Variants in PDE4D observed in about 807,000 individuals in gnomAD.
The protein encoded by PDE4D is phosphodiesterase 4D.
Under a neutral mutation model 87.4 loss-of-function variants are expected in PDE4D, and 24 were observed. That is an observed-to-expected ratio of 0.27 (90% CI 0.20 to 0.39). The LOEUF (loss-of-function observed/expected upper bound fraction) is 0.39, where lower values mean the gene tolerates loss of function less well. Among genes scored for constraint, PDE4D ranks in the 10% least tolerant of loss-of-function variants. PDE4D has a pLI of 1.00. For synonymous variants in PDE4D, 384 were observed against 383.2 expected, an observed-to-expected ratio of 1.00 and a Z score of -0.02; for missense variants, 714 against 1,041.0, an observed-to-expected ratio of 0.69 and a Z score of 4.32.
At chr5:59,273,304 G>GT (rs1221201452) in intron 1 of PDE4D, among the ~76,000 whole-genome samples, 5 of 152,048 alleles carry the variant, frequency 3.3e-5, no homozygotes, top group African/African-American at 1.2e-4. Context: ...GGCCGTTTGG[G>GT]TTTTTTTAAT....
intron 1 of PDE4D, among the ~76,000 whole-genome samples, chr5:59,616,945 A>ATATATATATATATATATATG (rs936160133): frequency 7.3e-6 from 1 of 137,262 alleles, no homozygotes; most frequent in Non-Finnish European, 1.6e-5. Context: ...ATATATATAT[A>ATATATATATATATATATATG]TCTCCAAGAT....
At chr5:60,099,290 C>T (rs1333500360) in intron 2 of PDE4D, among the ~76,000 whole-genome samples, 6 of 151,606 alleles carry the variant, frequency 4.0e-5, no homozygotes, top group Admixed American at 6.6e-5. Context: ...GTATTTTTTG[C>T]GTTGATCTTG....
At chr5:59,676,979 A>G (rs1748194245) in intron 1 of PDE4D, among the ~76,000 whole-genome samples, 1 of 151,892 alleles carries the variant, frequency 6.6e-6, no homozygotes, top group African/African-American at 2.4e-5. Context: ...TTTTACTTCC[A>G]TGAGATCAAC....
In PDE4D at chr5:60,304,438, G is replaced by A. The variant is rs1383654148; in HGVS notation, c.-89-118751C>T. Among the ~76,000 whole-genome samples the A allele has an allele frequency of 2.0e-5, 3 of 151,620 alleles. No homozygotes were observed. In the East Asian group the frequency reaches 5.8e-4, roughly 29 times the overall value. ...AGGCGGGTGGATCATGAGGTCAGGA[G>A]ATCGAGACCATCCTGGTTAACAAGG... On this transcript the variant is annotated intron_variant, in intron 1 of 16. Coordinates refer to the PDE4D transcript ENST00000502484.
chr5:60,302,279 C>T (rs559885085), intron 1 of PDE4D, among the ~76,000 whole-genome samples: 1 of 152,238 alleles, frequency 6.6e-6, no homozygotes, highest in Non-Finnish European at 1.5e-5. Flanking sequence ...TAGAATTCAG[C>T]TGTTAATCCA....
chr5:59,273,068 A>T (rs184232932), intron 1 of PDE4D, among the ~76,000 whole-genome samples: 13 of 152,318 alleles, frequency 8.5e-5, no homozygotes, highest in Admixed American at 7.2e-4. Context: ...AGCCAGAAAG[A>T]TGTGTCCCAA....
At chr5:59,067,373 T>C (rs2153415464) in intron 5 of PDE4D, among the ~76,000 whole-genome samples, 1 of 152,276 alleles carries the variant, frequency 6.6e-6, no homozygotes, top group Non-Finnish European at 1.5e-5. Context: ...AATAGGCCTT[T>C]CTGTAGCGTG....
intron 1 of PDE4D, among the ~76,000 whole-genome samples, chr5:59,557,272 A>G (rs1009997632): frequency 6.6e-6 from 1 of 152,206 alleles, no homozygotes; most frequent in Admixed American, 6.5e-5. Context: ...TGTTGTAACA[A>G]CTATTGGAAA....
intron 2 of PDE4D, chr5:59,193,834 G>A: frequency 1.0e-6 from 1 of 974,508 alleles, no homozygotes; most frequent in Non-Finnish European, 1.2e-6. Flanking sequence ...CCAGCAGTGG[G>A]GCCTGAGTTT....
chr5:59,925,534 T>C (rs1002089270), intron 3 of PDE4D, among the ~76,000 whole-genome samples: 1 of 152,164 alleles, frequency 6.6e-6, no homozygotes, highest in Non-Finnish European at 1.5e-5. Flanking sequence ...TAATATTGAA[T>C]ATCAATGGAC....
chr5:59,552,911 T>A (rs1818348282), intron 1 of PDE4D, among the ~76,000 whole-genome samples: 2 of 152,270 alleles, frequency 1.3e-5, no homozygotes, highest in African/African-American at 4.8e-5. Flanking sequence ...TAGGTCTACT[T>A]GATAGAATGA....
chr5:60,087,051 G>A (rs559602112), intron 2 of PDE4D, among the ~76,000 whole-genome samples: 1 of 152,314 alleles, frequency 6.6e-6, no homozygotes, highest in Non-Finnish European at 1.5e-5. Context: ...GTCTTTACCA[G>A]ACTGGGAAAA....
intron 6 of PDE4D, among the ~76,000 whole-genome samples, chr5:58,998,206 T>C (rs1749665862): frequency 6.6e-6 from 1 of 152,218 alleles, no homozygotes; most frequent in South Asian, 2.1e-4. Context: ...GTATTAAACA[T>C]AAAGCTGTCC....
chr5:60,498,332 C>T (rs1483058277), intron 1 of PDE4D, among the ~76,000 whole-genome samples: 3 of 152,184 alleles, frequency 2.0e-5, no homozygotes, highest in African/African-American at 7.2e-5. Context: ...AAACAGCAGT[C>T]CACTGACTCC....
chr5:58,999,953 G>A (rs1198666170), intron 6 of PDE4D: 2 of 976,334 alleles, frequency 2.0e-6, no homozygotes, highest in Admixed American at 1.2e-4. Flanking sequence ...CGGGAAGAGT[G>A]ACAAGAAGCC....
intron 1 of PDE4D, among the ~76,000 whole-genome samples, chr5:59,378,112 G>A (rs926470313): frequency 6.6e-6 from 1 of 152,188 alleles, no homozygotes; most frequent in African/African-American, 2.4e-5. Flanking sequence ...AAAAAAGAAT[G>A]AGATCATGTC....
At chr5:59,713,747 G>A (rs1041343078) in intron 1 of PDE4D, among the ~76,000 whole-genome samples, 8 of 152,166 alleles carry the variant, frequency 5.3e-5, no homozygotes, top group Non-Finnish European at 1.0e-4. Context: ...CCACGAGCAC[G>A]GAGAAAGCAC....
At chr5:59,317,749 G>T (rs191299336) in intron 1 of PDE4D, among the ~76,000 whole-genome samples, 1 of 152,240 alleles carries the variant, frequency 6.6e-6, no homozygotes, top group Non-Finnish European at 1.5e-5. Flanking sequence ...GAAATGAAAA[G>T]CTCTAAAGCC....
chr5:59,680,144 C>T (rs527756517), intron 1 of PDE4D, among the ~76,000 whole-genome samples: 2 of 152,042 alleles, frequency 1.3e-5, no homozygotes, highest in Admixed American at 6.6e-5. Flanking sequence ...TGCTTTTATA[C>T]CCAACTTTTA....
Sources: gnomAD v4.1 joint callset for allele counts (sites outside exome capture counted in the v4.1 genomes callset) on GRCh38, gnomAD v4.1.1 for gene constraint, MANE v1.5 for transcripts, NCBI Gene and HGNC (gene_info 2026-07-23, HGNC 2026-07-21) for gene names.